The following SEMA3D variants were observed in gnomAD, a reference collection of about 807,000 sequenced individuals.
The protein encoded by SEMA3D is semaphorin-3D.
In SEMA3D, 84 loss-of-function variants were observed where a neutral mutation model predicts 100.1. That is an observed-to-expected ratio of 0.84 (90% confidence interval 0.70 to 1.01). The LOEUF (loss-of-function observed/expected upper bound fraction) is 1.01, where lower values mean the gene tolerates loss of function less well. Among genes scored for constraint, SEMA3D ranks in the 50% least tolerant of loss-of-function variants. SEMA3D has a pLI of 0.00. For synonymous variants in SEMA3D, 312 were observed against 320.7 expected, an observed-to-expected ratio of 0.97 and a Z score of 0.29; for missense variants, 875 against 934.1, an observed-to-expected ratio of 0.94 and a Z score of 0.82.
At chr7:85,163,341 G>C (rs180819255) in intron 1 of SEMA3D, among the ~76,000 whole-genome samples, 1 of 151,970 alleles carries the variant, frequency 6.6e-6, no homozygotes, top group African/African-American at 2.4e-5. Flanking sequence ...AATTCAGTAA[G>C]AAAATTGTTA....
chr7:85,147,092 C>CTTTTTTTTTTTTTTTTTTTTTTTT (rs752922884), intron 2 of SEMA3D, among the ~76,000 whole-genome samples: 50 of 48,148 alleles, frequency 1.0e-3, no homozygotes, highest in African/African-American at 2.2e-3. Context: ...TTTTTCTTTT[C>CTTTTTTTTTTTTTTTTTTTTTTTT]TTTTTTTTTT....
chr7:84,997,459 A>ACTT lies in SEMA3D; in HGVS notation c.*1978_*1980dup, dbSNP rs1280688689. 1 of 152,130 alleles carries ACTT rather than the reference A, an allele frequency of 6.6e-6. No individual in the cohort carries two copies. Among genetic ancestry groups the ACTT allele is most frequent in the Non-Finnish European group, 1.5e-5 (1 of 67,966 alleles). 9.4% of individuals were successfully genotyped at this position (152,130 alleles called of 1,614,324 possible). On this transcript the variant is annotated 3_prime_UTR_variant, in exon 19 of 19. Transcript: ENST00000284136. ...TCATGCCACACTGTTCTTCTGAATTACTTTTTAAATGAGTGATTTGTTCTG... is the reference window on the plus strand; with the variant it reads ...TCATGCCACACTGTTCTTCTGAATTACTTCTTTTTAAATGAGTGATTTGTTCTG...
At chr7:85,118,088 T>A (rs1789298071) in intron 3 of SEMA3D, among the ~76,000 whole-genome samples, 1 of 152,006 alleles carries the variant, frequency 6.6e-6, no homozygotes, top group Non-Finnish European at 1.5e-5. Context: ...ATGATCCCTA[T>A]TTCTCTGTCT....
chr7:85,210,923 A>G, the SEMA3D span, among the ~76,000 whole-genome samples: 1 of 152,066 alleles, frequency 6.6e-6, no homozygotes, highest in Non-Finnish European at 1.5e-5. Context: ...GTATTAATGT[A>G]TCAAATATAC....
chr7:85,201,035 AG>A, the SEMA3D span, among the ~76,000 whole-genome samples: 5,703 of 152,354 alleles, frequency 0.037, 168 homozygotes, highest in Non-Finnish European at 0.057. Context: ...TTGTAAGAGA[AG>A]TTTGGGTATG....
intron 4 of SEMA3D, among the ~76,000 whole-genome samples, chr7:85,083,520 G>A (rs1287827202): frequency 1.3e-5 from 2 of 152,114 alleles, no homozygotes; most frequent in East Asian, 3.9e-4. Flanking sequence ...ATTCATCATT[G>A]CTGGCAAAAA....
the SEMA3D span, among the ~76,000 whole-genome samples, chr7:85,250,116 TGGAGAATCG>T: frequency 6.6e-6 from 1 of 152,074 alleles, no homozygotes; most frequent in African/African-American, 2.4e-5. Context: ...AGGACGCACC[TGGAGAATCG>T]GGTCACTCCC....
intron 4 of SEMA3D, among the ~76,000 whole-genome samples, chr7:85,091,573 T>C (rs1372358342): frequency 6.6e-6 from 1 of 151,900 alleles, no homozygotes; most frequent in Admixed American, 6.6e-5. Context: ...GAAGTTTACA[T>C]AGAGAGGGCT....
At chr7:85,137,221 G>A (rs1278625672) in intron 2 of SEMA3D, among the ~76,000 whole-genome samples, 1 of 151,674 alleles carries the variant, frequency 6.6e-6, no homozygotes. Flanking sequence ...GAAGTAACAT[G>A]TATTACATAT....
chr7:85,111,697 G>A (rs1480675599), intron 3 of SEMA3D, among the ~76,000 whole-genome samples: 1 of 152,052 alleles, frequency 6.6e-6, no homozygotes, highest in African/African-American at 2.4e-5. Flanking sequence ...ATGTCAGACT[G>A]TGCTCAAAAT....
chr7:85,095,432 A>G (rs765397221), intron 4 of SEMA3D, among the ~76,000 whole-genome samples: 3 of 152,026 alleles, frequency 2.0e-5, no homozygotes, highest in Non-Finnish European at 2.9e-5. Flanking sequence ...AAAAATCCCA[A>G]CCAGTCACTG....
At chr7:85,119,061 A>G (rs1470280441) in intron 3 of SEMA3D, among the ~76,000 whole-genome samples, 1 of 152,220 alleles carries the variant, frequency 6.6e-6, no homozygotes, top group Non-Finnish European at 1.5e-5. Flanking sequence ...CCACAACAAG[A>G]TACCATCTCA....
At chr7:85,097,393 G>T (rs530089576) in intron 4 of SEMA3D, among the ~76,000 whole-genome samples, 16 of 151,854 alleles carry the variant, frequency 1.1e-4, no homozygotes, top group Admixed American at 9.9e-4. Flanking sequence ...ATTATCATTT[G>T]AAAGTATGCT....
intron 17 of SEMA3D, among the ~76,000 whole-genome samples, chr7:85,010,457 A>T (rs1015106248): frequency 1.3e-5 from 2 of 151,782 alleles, no homozygotes; most frequent in African/African-American, 4.8e-5. Context: ...AGGCAGAGAG[A>T]CCAGTGAAGT....
chr7:85,021,016 A>G (rs1236049426), intron 13 of SEMA3D, among the ~76,000 whole-genome samples: 1 of 151,586 alleles, frequency 6.6e-6, no homozygotes, highest in Admixed American at 6.6e-5. Context: ...GTACAGAAAG[A>G]AAATTAAAAG....
the SEMA3D span, among the ~76,000 whole-genome samples, chr7:85,249,484 A>G: frequency 6.6e-6 from 1 of 152,204 alleles, no homozygotes; most frequent in Non-Finnish European, 1.5e-5. Context: ...TGGGTTACCA[A>G]TTACACCCAG....
At chr7:85,183,930 T>C (rs775596608) in intron 1 of SEMA3D, among the ~76,000 whole-genome samples, 68 of 152,122 alleles carry the variant, frequency 4.5e-4, no homozygotes, top group Non-Finnish European at 8.7e-4. Context: ...CTAACTAATC[T>C]CAGGAAATGT....
At chr7:85,046,541 C>T (rs1791013486) in intron 9 of SEMA3D, among the ~76,000 whole-genome samples, 1 of 151,942 alleles carries the variant, frequency 6.6e-6, no homozygotes, top group South Asian at 2.1e-4. Flanking sequence ...CACCTGCTGT[C>T]AGAAGGGAAG....
chr7:85,208,941 T>C, the SEMA3D span, among the ~76,000 whole-genome samples: 2 of 152,092 alleles, frequency 1.3e-5, no homozygotes, highest in African/African-American at 4.8e-5. Flanking sequence ...GGAAGATAAG[T>C]ATAAGGCCTG....
Sources: gnomAD v4.1 joint callset for allele counts (sites outside exome capture counted in the v4.1 genomes callset) on GRCh38, gnomAD v4.1.1 for gene constraint, MANE v1.5 for transcripts, NCBI Gene and HGNC (gene_info 2026-07-23, HGNC 2026-07-21) for gene names.